Variants in CNTNAP2 observed in about 807,000 individuals in gnomAD.
CNTNAP2 encodes the protein contactin associated protein 2, also known as contactin-associated protein-like 2.
A neutral mutation model predicts 155.2 loss-of-function variants in CNTNAP2; 98 were observed. The observed-to-expected ratio is 0.63, with a 90% CI of 0.54 to 0.75. The LOEUF (loss-of-function observed/expected upper bound fraction) is 0.75, where lower values mean the gene tolerates loss of function less well. Ranked by LOEUF, CNTNAP2 falls within the 30% of genes least tolerant of loss-of-function variation. The probability of loss-of-function intolerance (pLI) is 0.00; values close to 1 mark genes in which losing one functional copy is unlikely to be tolerated. For synonymous variants in CNTNAP2, 651 were observed against 631.2 expected (o/e 1.03, Z -0.47); for missense variants, 1,727 against 1,688.1 (o/e 1.02, Z -0.40).
At chr7:146,669,793 C>T (rs1011736942) in intron 1 of CNTNAP2, among the ~76,000 whole-genome samples, 2 of 152,204 alleles carry the variant, frequency 1.3e-5, no homozygotes. Flanking sequence ...AAAATTGTTT[C>T]AACCTTTTTT....
chr7:146,269,026 CAA>C (rs1438860876), intron 1 of CNTNAP2, among the ~76,000 whole-genome samples: 1 of 152,144 alleles, frequency 6.6e-6, no homozygotes, highest in African/African-American at 2.4e-5. Flanking sequence ...TAGCAGTTCA[CAA>C]AAGAGTGCCA....
intron 18 of CNTNAP2, among the ~76,000 whole-genome samples, chr7:148,177,811 T>C (rs1794965513): frequency 6.6e-6 from 1 of 152,156 alleles, no homozygotes; most frequent in African/African-American, 2.4e-5. Context: ...TTTTTGATTA[T>C]TGTGATTGAG....
chr7:146,345,534 A>T (rs10277301), intron 1 of CNTNAP2, among the ~76,000 whole-genome samples: 2 of 151,984 alleles, frequency 1.3e-5, no homozygotes, highest in Non-Finnish European at 2.9e-5. Flanking sequence ...GAAGAGAGAA[A>T]ACACACACTC....
intron 15 of CNTNAP2, among the ~76,000 whole-genome samples, chr7:148,116,038 C>A (rs1427814540): frequency 6.6e-6 from 1 of 151,570 alleles, no homozygotes; most frequent in African/African-American, 2.4e-5. Flanking sequence ...ACTCAGGAGG[C>A]TGAGACAGGA....
chr7:147,028,723 A>T (rs1798969469), intron 3 of CNTNAP2, among the ~76,000 whole-genome samples: 1 of 152,178 alleles, frequency 6.6e-6, no homozygotes, highest in Non-Finnish European at 1.5e-5. Flanking sequence ...GGCTCTCAGG[A>T]GGTCAGAAAA....
At chr7:147,441,807 GTCTCTTTC>G (rs1471291026) in intron 10 of CNTNAP2, among the ~76,000 whole-genome samples, 30 of 76,882 alleles carry the variant, frequency 3.9e-4, no homozygotes, top group African/African-American at 9.8e-4. Flanking sequence ...ACCAAATGTA[GTCTCTTTC>G]TCTCTCTCTC....
chr7:147,015,282 C>CA (rs1471896207), intron 3 of CNTNAP2, among the ~76,000 whole-genome samples: 4 of 152,048 alleles, frequency 2.6e-5, no homozygotes, highest in Admixed American at 2.6e-4. Flanking sequence ...GTAAAATGGA[C>CA]AGAGTAGGGT....
At chr7:146,636,469 T>TTTTCAA (rs1212684273) in intron 1 of CNTNAP2, among the ~76,000 whole-genome samples, 1 of 152,206 alleles carries the variant, frequency 6.6e-6, no homozygotes, top group Admixed American at 6.5e-5. Flanking sequence ...GGCTATGATT[T>TTTTCAA]TTTCAATATC....
chr7:147,681,463 G>A (rs969072450), intron 13 of CNTNAP2, among the ~76,000 whole-genome samples: 2 of 151,746 alleles, frequency 1.3e-5, no homozygotes, highest in African/African-American at 4.8e-5. Context: ...TGCTAGATGG[G>A]GTTTGGTCTA....
At chr7:148,250,487 A>G (rs1796344594) in intron 20 of CNTNAP2, among the ~76,000 whole-genome samples, 1 of 152,194 alleles carries the variant, frequency 6.6e-6, no homozygotes, top group Non-Finnish European at 1.5e-5. Context: ...TCTTGAATGA[A>G]TAAACGGACC....
intron 3 of CNTNAP2, among the ~76,000 whole-genome samples, chr7:146,842,180 C>G (rs536437968): frequency 6.6e-6 from 1 of 152,200 alleles, no homozygotes; most frequent in South Asian, 2.1e-4. Flanking sequence ...AGCCACTGCA[C>G]CTGGCCTTGG....
At chr7:146,732,134 G>A (rs1330624670) in intron 1 of CNTNAP2, among the ~76,000 whole-genome samples, 1 of 152,010 alleles carries the variant, frequency 6.6e-6, no homozygotes, top group Non-Finnish European at 1.5e-5. Context: ...ATCAGAATTT[G>A]AACATCATAG....
intron 20 of CNTNAP2, among the ~76,000 whole-genome samples, chr7:148,254,684 G>A (rs1796429592): frequency 6.6e-6 from 1 of 150,666 alleles, no homozygotes; most frequent in African/African-American, 2.4e-5. Flanking sequence ...GCTGAGGCAG[G>A]AGAATCGCTT....
At chr7:147,077,525 A>C (rs2129267302) in intron 4 of CNTNAP2, among the ~76,000 whole-genome samples, 1 of 152,266 alleles carries the variant, frequency 6.6e-6, no homozygotes, top group Admixed American at 6.5e-5. Flanking sequence ...CTAATAGTAA[A>C]ATATTTTCTG....
intron 1 of CNTNAP2, among the ~76,000 whole-genome samples, chr7:146,638,455 G>A (rs1483634494): frequency 1.5e-5 from 2 of 132,314 alleles, no homozygotes; most frequent in African/African-American, 5.3e-5. Flanking sequence ...TATTAAAACA[G>A]TTTAATACAG....
At chr7:146,713,114 CATT>C (rs1470270704) in intron 1 of CNTNAP2, among the ~76,000 whole-genome samples, 1 of 151,988 alleles carries the variant, frequency 6.6e-6, no homozygotes, top group Non-Finnish European at 1.5e-5. Flanking sequence ...CTAAATATAA[CATT>C]AGTAATGCAA....
intron 10 of CNTNAP2, among the ~76,000 whole-genome samples, chr7:147,435,691 T>C (rs1289976352): frequency 2.0e-5 from 3 of 152,164 alleles, no homozygotes; most frequent in African/African-American, 7.2e-5. Context: ...ACGTTGGGTG[T>C]GGTGCCGAGC....
chr7:146,805,773 A>G (rs1281756490), intron 2 of CNTNAP2, among the ~76,000 whole-genome samples: 4 of 152,214 alleles, frequency 2.6e-5, no homozygotes, highest in Non-Finnish European at 5.9e-5. Flanking sequence ...GCAGTTGTAG[A>G]AAGTTTGCAC....
chr7:146,847,480 T>C (rs1794782749), intron 3 of CNTNAP2, among the ~76,000 whole-genome samples: 1 of 152,180 alleles, frequency 6.6e-6, no homozygotes, highest in South Asian at 2.1e-4. Context: ...AGTATTTACC[T>C]CAATGGAGGT....
Sources: allele counts gnomAD v4.1 joint callset (sites outside exome capture counted in the v4.1 genomes callset), GRCh38; gene constraint gnomAD v4.1.1; transcripts MANE v1.5; gene names NCBI Gene and HGNC (gene_info 2026-07-23, HGNC 2026-07-21).